The following PXK variants were observed in gnomAD, a reference collection of about 807,000 sequenced individuals.
PXK encodes PX domain-containing protein kinase-like protein.
A neutral mutation model predicts 84.7 loss-of-function variants in PXK; 35 were observed. That is an observed-to-expected ratio of 0.41 (90% CI 0.32 to 0.55). The LOEUF (loss-of-function observed/expected upper bound fraction) is 0.55, where lower values mean the gene tolerates loss of function less well. PXK is among the 20% of genes least tolerant of loss of function. The probability of loss-of-function intolerance (pLI) is 0.21; values close to 1 mark genes in which losing one functional copy is unlikely to be tolerated. For synonymous variants in PXK, 253 were observed against 260.8 expected (o/e 0.97, Z 0.29); for missense variants, 634 against 699.7 (o/e 0.91, Z 1.06).
At chr3:58,342,804 A>T (rs73835180) in intron 1 of PXK, among the ~76,000 whole-genome samples, 6,995 of 152,190 alleles carry the variant, frequency 0.046, 567 homozygotes, top group African/African-American at 0.16. Context: ...TAGATGAACT[A>T]TGTCCTCTTA....
intron 1 of PXK, among the ~76,000 whole-genome samples, chr3:58,340,306 C>A (rs1325842058): frequency 1.3e-5 from 2 of 150,154 alleles, no homozygotes; most frequent in Admixed American, 6.6e-5. Flanking sequence ...AATTTTCTGT[C>A]GAGACAGGGC....
At position 58,411,696 on chromosome 3, in the gene PXK, C is replaced by T. The variant is rs2060226726; in HGVS notation, c.1466-1205C>T. 6.6e-6 allele frequency among the ~76,000 whole-genome samples: 1 copy of T among 152,092 alleles called. No individual in the cohort carries two copies. Among genetic ancestry groups the T allele is most frequent in the African/African-American group, 2.4e-5 (1 of 41,416 alleles). ...CAAGGACTTCAGGATACCCCAGTGC[C>T]CTCAGGAGTTTAGGAAAATGAAGTA... On this transcript the variant is annotated intron_variant, in intron 16 of 17. Transcript: ENST00000356151. The surrounding 1 kb of genome is among the most constrained non-coding windows in gnomAD (Gnocchi z 4.2).
rs868606993 is a variant in PXK at position 58,422,297 on chromosome 3, G to C, written c.1529-2455G>C. 23 of 985,192 alleles carry C rather than the reference G, an allele frequency of 2.3e-5. 1 individual carries two copies. Among genetic ancestry groups the C allele is most frequent in the Middle Eastern group, 1.0e-3 (2 of 1,936 alleles). The allele number at this position is 985,192 out of a possible 1,614,324, so 61.0% of individuals were successfully genotyped here. The stretch of plus-strand genomic sequence containing the variant: ...CTCCCCTCCAGAGTGTTCCAAACTG[G>C]CAAGCTGGGTCTGGCCTTCCTTGCC... On this transcript the variant is annotated intron_variant, in intron 17 of 17. Coordinates refer to ENST00000356151, the MANE Select transcript of PXK (RefSeq NM_017771.5).
In PXK at chr3:58,379,005, C is replaced by G. The variant is rs139211019; in HGVS notation, c.202-3509C>G. ...TGGTGCAATCTTGGCTTACTGCAGC[C>G]TCCGCCTCCTGGGTTCAAGCAATTC... is the stretch of plus-strand genomic sequence containing the variant. On this transcript the variant is annotated intron_variant, in intron 3 of 17. Coordinates refer to ENST00000356151, the MANE Select transcript of PXK (RefSeq NM_017771.5). This position sits in a 1 kb window ranked among gnomAD's most constrained non-coding sequence, Gnocchi z 5.1. Among the ~76,000 whole-genome samples, 1,437 of 151,994 alleles carry G rather than the reference C, an allele frequency of 9.5e-3. 28 individuals are homozygous for G. Among genetic ancestry groups the G allele is most frequent in the African/African-American group, 0.033 (1,365 of 41,442 alleles).
At chr3:58,420,375 G>A (rs1360676699) in intron 17 of PXK, among the ~76,000 whole-genome samples, 2 of 152,256 alleles carry the variant, frequency 1.3e-5, no homozygotes, top group Admixed American at 6.5e-5. Context: ...TTACAAACCA[G>A]TGCTGTGGTT....
At chr3:58,424,341 A>G (rs1269213277) in intron 17 of PXK, among the ~76,000 whole-genome samples, 1 of 152,318 alleles carries the variant, frequency 6.6e-6, no homozygotes, top group Admixed American at 6.5e-5. Context: ...CAACTCCATC[A>G]TGCAGATGTC....
Position 58,400,437 on chromosome 3 carries a change from T to C in PXK, c.1181+1060T>C, listed in dbSNP as rs1228633030. On this transcript the variant is annotated intron_variant, in intron 12 of 17. Transcript: ENST00000356151. This position sits in a 1 kb window ranked among gnomAD's most constrained non-coding sequence, Gnocchi z 4.0. ...AGCCAGAGTTCAGAGAAGGTAGAGA[T>C]AACTTCCGGTTCCTGGTTCTTTCTT... 6.6e-6 allele frequency among the ~76,000 whole-genome samples: 1 copy of C among 152,164 alleles called. No homozygotes were observed. The highest frequency in any genetic ancestry group is 2.4e-5 in the African/African-American group (1 of 41,442).
At chr3:58,422,578 A>G (rs180804217) in intron 17 of PXK, 54 of 985,428 alleles carry the variant, frequency 5.5e-5, no homozygotes, top group Middle Eastern at 5.2e-4. Context: ...TTACTTGGAC[A>G]GTGGAAAATC....
In PXK at chr3:58,390,519, AT is replaced by A; in HGVS notation, c.389-62del. 1 of 1,234,772 alleles carries A rather than the reference AT, an allele frequency of 8.1e-7. No individual in the cohort carries two copies. Among genetic ancestry groups the A allele is most frequent in the Non-Finnish European group, 1.2e-6 (1 of 862,156 alleles). 76.5% of individuals were successfully genotyped at this position (1,234,772 alleles called of 1,614,324 possible). A position where few individuals can be genotyped will look rare whatever the true frequency, so the allele number is the denominator to read the frequency against. On this transcript the variant is annotated intron_variant, in intron 4 of 17. Transcript: ENST00000356151. This position sits in a 1 kb window ranked among gnomAD's most constrained non-coding sequence, Gnocchi z 4.2. ...TAGGGATTTCATTTACAAGAATAAT[AT>A]CTTCAGCATATGGCCCTTTCCTGAT...
chr3:58,354,969 A>T (rs1199965264), intron 1 of PXK, among the ~76,000 whole-genome samples: 1 of 152,014 alleles, frequency 6.6e-6, no homozygotes, highest in Non-Finnish European at 1.5e-5. Flanking sequence ...AATTGCAAAA[A>T]TTAGCCAAGC....
chr3:58,370,865 G>A lies in PXK; in HGVS notation c.201+1387G>A, dbSNP rs1302236677. ...AATACAAAAATTAGCTGGGTGTGGT[G>A]TGGGCGCCTGTAATCCCAGCTACTC... is the stretch of plus-strand genomic sequence containing the variant. On this transcript the variant is annotated intron_variant, in intron 3 of 17. Coordinates refer to ENST00000356151, the MANE Select transcript of PXK (RefSeq NM_017771.5). This position sits in a 1 kb window ranked among gnomAD's most constrained non-coding sequence, Gnocchi z 4.2. Among the ~76,000 whole-genome samples, 1 of 152,064 alleles carries A rather than the reference G, an allele frequency of 6.6e-6. No homozygotes were observed. Among genetic ancestry groups the A allele is most frequent in the African/African-American group, 2.4e-5 (1 of 41,398 alleles).
chr3:58,423,507 C>T lies in PXK; in HGVS notation c.1529-1245C>T, dbSNP rs754950216. The T allele has an allele frequency of 2.2e-5, 34 of 1,535,438 alleles. No individual in the cohort carries two copies. The South Asian group carries it at 3.9e-4, about 18-fold the overall frequency. On this transcript the variant is annotated intron_variant, in intron 17 of 17. Transcript: ENST00000356151. Reference sequence around the variant, plus strand: ...GATGTAAAGAAAGGTAAGTGATTTTCTATTGTAAGACTTTAACCCATACCT... The same window carrying T: ...GATGTAAAGAAAGGTAAGTGATTTTTTATTGTAAGACTTTAACCCATACCT...
intron 3 of PXK, among the ~76,000 whole-genome samples, chr3:58,375,541 G>T (rs772202957): frequency 6.6e-6 from 1 of 152,124 alleles, no homozygotes; most frequent in Non-Finnish European, 1.5e-5. Context: ...AACATTGTTT[G>T]GTTGTAATGT....
At chr3:58,384,347 C>T (rs950616691) in intron 4 of PXK, among the ~76,000 whole-genome samples, 2 of 152,158 alleles carry the variant, frequency 1.3e-5, no homozygotes, top group South Asian at 2.1e-4. Context: ...ATTTCCTAAC[C>T]GAAGTGCTCT....
intron 1 of PXK, among the ~76,000 whole-genome samples, chr3:58,358,958 A>G (rs1209667224): frequency 6.6e-6 from 1 of 152,184 alleles, no homozygotes; most frequent in African/African-American, 2.4e-5. Flanking sequence ...TCTAAATTAT[A>G]TCTATACACA....
At chr3:58,352,175 A>G (rs903658748) in intron 1 of PXK, among the ~76,000 whole-genome samples, 4 of 152,202 alleles carry the variant, frequency 2.6e-5, no homozygotes, top group Admixed American at 6.5e-5. Context: ...GTGGCTGATC[A>G]TGACACAGTG....
chr3:58,419,827 A>G (rs953416765), intron 17 of PXK, among the ~76,000 whole-genome samples: 1 of 152,218 alleles, frequency 6.6e-6, no homozygotes, highest in African/African-American at 2.4e-5. Flanking sequence ...GATCCTTCAC[A>G]TTTAGCTGGG....
chr3:58,394,900 C>T, intron 7 of PXK, 98 bp from the exon 8 acceptor site: 1 of 835,638 alleles, frequency 1.2e-6, no homozygotes, highest in Admixed American at 2.0e-5. Flanking sequence ...GCAATTAAAC[C>T]ACCACAGTGC....
In PXK at chr3:58,416,185, A is replaced by G. The variant is rs1257681850; in HGVS notation, c.1528+3222A>G. Among the ~76,000 whole-genome samples the G allele has an allele frequency of 3.9e-5, 6 of 152,190 alleles. No individual in the cohort carries two copies. The highest frequency in any genetic ancestry group is 5.9e-5 in the Non-Finnish European group (4 of 68,032). On this transcript the variant is annotated intron_variant, in intron 17 of 17. Coordinates refer to ENST00000356151, the MANE Select transcript of PXK (RefSeq NM_017771.5). The surrounding 1 kb of genome is among the most constrained non-coding windows in gnomAD (Gnocchi z 4.8). ...GAAAGACAACTCAGGGACATATGTTAAGATCTTATCTTTAGTTTCTATAGG... is the reference window on the plus strand; with the variant it reads ...GAAAGACAACTCAGGGACATATGTTGAGATCTTATCTTTAGTTTCTATAGG...
Sources: gnomAD v4.1 joint callset for allele counts (sites outside exome capture counted in the v4.1 genomes callset) on GRCh38, gnomAD v4.1.1 for gene constraint, Gnocchi (gnomAD v3.1) non-coding constraint, MANE v1.5 for transcripts, NCBI Gene and HGNC (gene_info 2026-07-23, HGNC 2026-07-21) for gene names.